GTF2E2: variants seen among roughly 807,000 people sequenced by gnomAD.
GTF2E2 encodes transcription initiation factor IIE subunit beta.
In GTF2E2, 21 loss-of-function variants were observed where a neutral mutation model predicts 40.5. That is an observed-to-expected ratio of 0.52 (90% CI 0.37 to 0.75). The LOEUF is 0.75. Among genes scored for constraint, GTF2E2 ranks in the 30% least tolerant of loss-of-function variants. The pLI, the probability that GTF2E2 is intolerant of heterozygous loss-of-function variation, is 0.00. For missense variants in GTF2E2, 298 were observed against 338.4 expected (o/e 0.88, Z 0.94); for synonymous variants, 117 against 121.6 (o/e 0.96, Z 0.25).
chr8:30,626,999 T>C (rs1054354124), intron 3 of GTF2E2, among the ~76,000 whole-genome samples: 1 of 152,216 alleles, frequency 6.6e-6, no homozygotes, highest in Non-Finnish European at 1.5e-5. Flanking sequence ...ACGTTATTAG[T>C]AGCAGAATTT....
chr8:30,610,919 G>T lies in GTF2E2; in HGVS notation c.549+1380C>A, dbSNP rs564590007. Among the ~76,000 whole-genome samples, 186 of 152,252 alleles carry T rather than the reference G, an allele frequency of 1.2e-3. 1 individual carries two copies. The highest frequency in any genetic ancestry group is 4.3e-3 in the African/African-American group (180 of 41,554). On this transcript the variant is annotated intron_variant, in intron 5 of 7. Coordinates refer to ENST00000355904, the MANE Select transcript of GTF2E2 (RefSeq NM_002095.6). Reference sequence around the variant, plus strand: ...ATGGGAGAAAATATTTGCAAATCATGTATCTGTTAAGGAATTAATATCCAG... The same window carrying T: ...ATGGGAGAAAATATTTGCAAATCATTTATCTGTTAAGGAATTAATATCCAG...
intron 2 of GTF2E2, among the ~76,000 whole-genome samples, chr8:30,641,684 C>T (rs908732582): frequency 6.6e-6 from 1 of 152,176 alleles, no homozygotes; most frequent in Non-Finnish European, 1.5e-5. Flanking sequence ...CAAGACCACC[C>T]TGGCCAACAT....
chr8:30,645,295 G>C, intron 2 of GTF2E2: 2 of 1,528,880 alleles, frequency 1.3e-6, no homozygotes, highest in South Asian at 1.2e-5. Flanking sequence ...AAAAGAGCAA[G>C]TGGAATCTCT....
At chr8:30,599,368 G>A (rs1282676199) in intron 6 of GTF2E2, among the ~76,000 whole-genome samples, 1 of 151,890 alleles carries the variant, frequency 6.6e-6, no homozygotes, top group Non-Finnish European at 1.5e-5. Flanking sequence ...CTTGAGGTCA[G>A]GAGTTCAAGA....
chr8:30,609,805 GATA>G (rs1829431297), intron 5 of GTF2E2, among the ~76,000 whole-genome samples: 1 of 152,128 alleles, frequency 6.6e-6, no homozygotes, highest in Non-Finnish European at 1.5e-5. Flanking sequence ...CTGTTCTCCT[GATA>G]ATGAGTTCTC....
At chr8:30,594,554 TAA>T (rs1191425204) in intron 6 of GTF2E2, among the ~76,000 whole-genome samples, 17 of 132,872 alleles carry the variant, frequency 1.3e-4, no homozygotes, top group Admixed American at 2.3e-4. Flanking sequence ...AATGGATCTT[TAA>T]AAAAAAAAAA....
chr8:30,634,603 T>A (rs1585988731), intron 3 of GTF2E2, among the ~76,000 whole-genome samples: 1 of 152,316 alleles, frequency 6.6e-6, no homozygotes, highest in Non-Finnish European at 1.5e-5. Flanking sequence ...AAATGTCTAA[T>A]TTTCTCCTCC....
chr8:30,655,719 T>A (rs1431686631), intron 1 of GTF2E2, among the ~76,000 whole-genome samples: 1 of 152,230 alleles, frequency 6.6e-6, no homozygotes, highest in African/African-American at 2.4e-5. Context: ...AATATAAGCA[T>A]TGATAAGAAA....
At chr8:30,631,951 A>C (rs1801448283) in intron 3 of GTF2E2, among the ~76,000 whole-genome samples, 1 of 152,140 alleles carries the variant, frequency 6.6e-6, no homozygotes, top group African/African-American at 2.4e-5. Flanking sequence ...CTACAAAAAA[A>C]ATACAAAAAT....
At chr8:30,647,948 G>C (rs1340434665) in intron 2 of GTF2E2, among the ~76,000 whole-genome samples, 4 of 152,194 alleles carry the variant, frequency 2.6e-5, no homozygotes, top group East Asian at 3.8e-4. Flanking sequence ...TGAGGGCAGA[G>C]TGGCAAACAA....
chr8:30,621,643 A>G (rs1446097837), intron 3 of GTF2E2, among the ~76,000 whole-genome samples: 2 of 151,880 alleles, frequency 1.3e-5, no homozygotes, highest in African/African-American at 4.8e-5. Flanking sequence ...TCACTTTCTT[A>G]TTTTTTTATT....
At chr8:30,645,156 A>G (rs1802020261) in intron 2 of GTF2E2, 4 of 842,490 alleles carry the variant, frequency 4.7e-6, no homozygotes, top group Non-Finnish European at 7.1e-6. Context: ...CAAAACTACC[A>G]TTTAGGCATT....
intron 6 of GTF2E2, among the ~76,000 whole-genome samples, chr8:30,588,342 C>T (rs1393539012): frequency 6.6e-6 from 1 of 151,964 alleles, no homozygotes; most frequent in Non-Finnish European, 1.5e-5. Context: ...AACAGATGAA[C>T]GGATAACAAA....
At chr8:30,602,020 CTT>C (rs11292554) in intron 6 of GTF2E2, among the ~76,000 whole-genome samples, 415 of 141,756 alleles carry the variant, frequency 2.9e-3, no homozygotes, top group African/African-American at 4.2e-3. Context: ...ATTTTTTAAT[CTT>C]TTTTTTTTTT....
chr8:30,638,277 C>T (rs1297599924), intron 2 of GTF2E2, among the ~76,000 whole-genome samples: 1 of 152,170 alleles, frequency 6.6e-6, no homozygotes, highest in Non-Finnish European at 1.5e-5. Context: ...TAGGTTACTA[C>T]CTTTCCCGAC....
At chr8:30,630,436 A>G (rs1228574085) in intron 3 of GTF2E2, among the ~76,000 whole-genome samples, 1 of 152,216 alleles carries the variant, frequency 6.6e-6, no homozygotes, top group African/African-American at 2.4e-5. Flanking sequence ...TTATTAAGCA[A>G]TTAAACAGTT....
chr8:30,580,172 G>A (rs927603745), intron 7 of GTF2E2, 109 bp downstream of exon 7: 1 of 704,404 alleles, frequency 1.4e-6, no homozygotes, highest in Non-Finnish European at 2.5e-6. Context: ...TGCGGACACT[G>A]AGAAACAATG....
At chr8:30,631,512 G>C (rs115470832) in intron 3 of GTF2E2, among the ~76,000 whole-genome samples, 2,072 of 152,234 alleles carry the variant, frequency 0.014, 60 homozygotes, top group African/African-American at 0.047. Flanking sequence ...ACTTTAGATT[G>C]AGTGTGCATT....
intron 6 of GTF2E2, among the ~76,000 whole-genome samples, chr8:30,588,132 T>C (rs771470387): frequency 1.3e-5 from 2 of 152,158 alleles, no homozygotes; most frequent in African/African-American, 2.4e-5. Context: ...GAAATGTAAA[T>C]TGGTGTAGCC....
Sources: allele counts gnomAD v4.1 joint callset (sites outside exome capture counted in the v4.1 genomes callset), GRCh38; gene constraint gnomAD v4.1.1; transcripts MANE v1.5; gene names NCBI Gene and HGNC (gene_info 2026-07-23, HGNC 2026-07-21).